The following PCDH15 variants were observed in gnomAD, a reference collection of about 807,000 sequenced individuals.
The protein encoded by PCDH15 is protocadherin-15.
A neutral mutation model predicts 178.5 loss-of-function variants in PCDH15; 129 were observed. That is an observed-to-expected ratio of 0.72 (90% CI 0.63 to 0.84). The LOEUF is 0.84. Among genes scored for constraint, PCDH15 ranks in the 40% least tolerant of loss-of-function variants. PCDH15 has a pLI of 0.00. For missense variants in PCDH15, 2,230 were observed against 2,099.9 expected, an observed-to-expected ratio of 1.06 and a Z score of -1.21; for synonymous variants, 800 against 732.0, an observed-to-expected ratio of 1.09 and a Z score of -1.50.
chr10:54,853,287 GTGTATATATA>G (rs1189625985), intron 3 of PCDH15, among the ~76,000 whole-genome samples: 30 of 56,570 alleles, frequency 5.3e-4, no homozygotes, highest in Middle Eastern at 0.01. Flanking sequence ...GTATGTATGT[GTGTATATATA>G]TATATATATA....
At chr10:54,939,168 T>C (rs1837988717) in intron 2 of PCDH15, among the ~76,000 whole-genome samples, 1 of 151,818 alleles carries the variant, frequency 6.6e-6, no homozygotes, top group Admixed American at 6.6e-5. Context: ...GTTTCAGTAG[T>C]TTGTGTCTTT....
At chr10:55,154,640 G>A (rs1430599863) in intron 2 of PCDH15, among the ~76,000 whole-genome samples, 1 of 152,020 alleles carries the variant, frequency 6.6e-6, no homozygotes, top group African/African-American at 2.4e-5. Context: ...CAGCATTCAG[G>A]GATTCCCTCA....
intron 26 of PCDH15, among the ~76,000 whole-genome samples, chr10:53,869,304 T>C (rs2079665575): frequency 6.6e-6 from 1 of 152,132 alleles, no homozygotes; most frequent in African/African-American, 2.4e-5. Flanking sequence ...TTTTTTGTAC[T>C]TAAACTTTGA....
chr10:54,740,304 G>A (rs10825391), intron 1 of PCDH15, among the ~76,000 whole-genome samples: 53,090 of 151,686 alleles, frequency 0.35, 9,636 homozygotes, highest in Middle Eastern at 0.46. Flanking sequence ...CATGGGGAAC[G>A]TAAATATAAA....
At chr10:55,498,858 TAGAAATC>T (rs1840593012) in intron 2 of PCDH15, among the ~76,000 whole-genome samples, 1 of 151,812 alleles carries the variant, frequency 6.6e-6, no homozygotes, top group African/African-American at 2.4e-5. Flanking sequence ...ATGTTACAGA[TAGAAATC>T]AGAGCAATTC....
At chr10:55,365,533 T>A (rs1845332776) in intron 2 of PCDH15, among the ~76,000 whole-genome samples, 1 of 152,102 alleles carries the variant, frequency 6.6e-6, no homozygotes, top group African/African-American at 2.4e-5. Context: ...CACCCAAATC[T>A]CATCTTGAAT....
intron 25 of PCDH15, among the ~76,000 whole-genome samples, chr10:53,933,173 T>A (rs185055534): frequency 7.8e-4 from 119 of 152,094 alleles, no homozygotes; most frequent in South Asian, 1.5e-3. Flanking sequence ...CTTTTTTTTT[T>A]AAATTTTATT....
In PCDH15 at chr10:55,405,283, G is replaced by GATATATATATAT. The variant is rs72121105; in HGVS notation, c.-156+222330_-156+222341dup. The stretch of plus-strand genomic sequence containing the variant: ...TGTGTATATGTAGTGTGAGGTAACA[G>GATATATATATAT]ATATATATATATATATATATACAAT... On this transcript the variant is annotated intron_variant, in intron 2 of 5. Coordinates refer to the PCDH15 transcript ENST00000613346. 4.8e-3 allele frequency among the ~76,000 whole-genome samples: 515 copies of GATATATATATAT among 108,054 alleles called. 18 individuals carry two copies. The highest frequency in any genetic ancestry group is 0.019 in the East Asian group (89 of 4,786). The allele number at this position is 108,054 out of a possible 152,430, so 70.9% of individuals were successfully genotyped here. A position where few individuals can be genotyped will look rare whatever the true frequency, so the allele number is the denominator to read the frequency against.
intron 1 of PCDH15, among the ~76,000 whole-genome samples, chr10:55,202,271 G>C (rs533468361): frequency 6.6e-6 from 1 of 151,972 alleles, no homozygotes; most frequent in African/African-American, 2.4e-5. Context: ...AAGCAGCCAC[G>C]GGGAAATACT....
chr10:55,471,993 C>T (rs1839965210), intron 2 of PCDH15, among the ~76,000 whole-genome samples: 2 of 152,164 alleles, frequency 1.3e-5, no homozygotes, highest in South Asian at 4.1e-4. Context: ...TGCCCAGTTT[C>T]CCCATCGTCT....
At chr10:55,439,620 C>T (rs1839133523) in intron 2 of PCDH15, among the ~76,000 whole-genome samples, 1 of 150,514 alleles carries the variant, frequency 6.6e-6, no homozygotes, top group Admixed American at 6.6e-5. Flanking sequence ...TGATGAAAAC[C>T]GCAATTACTT....
At chr10:53,821,160 AG>A in intron 32 of PCDH15, 1 of 974,550 alleles carries the variant, frequency 1.0e-6, no homozygotes, top group Non-Finnish European at 1.2e-6. Flanking sequence ...TGAGAAATAA[AG>A]AGAATAAGAC....
intron 15 of PCDH15, among the ~76,000 whole-genome samples, chr10:54,120,791 C>T (rs1436173323): frequency 6.6e-6 from 1 of 152,092 alleles, no homozygotes; most frequent in African/African-American, 2.4e-5. Flanking sequence ...TCTAGATTCA[C>T]AAAACCAGTA....
intron 2 of PCDH15, among the ~76,000 whole-genome samples, chr10:55,363,440 T>C (rs1028558030): frequency 6.6e-6 from 1 of 152,120 alleles, no homozygotes; most frequent in Non-Finnish European, 1.5e-5. Flanking sequence ...CCCCAGATTG[T>C]AGTTGTTAGA....
intron 3 of PCDH15, among the ~76,000 whole-genome samples, chr10:54,840,803 C>T (rs1953404887): frequency 6.6e-6 from 1 of 151,774 alleles, no homozygotes; most frequent in Non-Finnish European, 1.5e-5. Context: ...ACAAAATAGA[C>T]TTGTAGTCAA....
At chr10:54,288,088 C>T (rs1362230673) in intron 8 of PCDH15, among the ~76,000 whole-genome samples, 1 of 152,052 alleles carries the variant, frequency 6.6e-6, no homozygotes, top group Non-Finnish European at 1.5e-5. Context: ...CTTTGGGAGG[C>T]TGAGGCAGGT....
At chr10:54,246,461 TATATG>T (rs552751955) in intron 8 of PCDH15, among the ~76,000 whole-genome samples, 178 of 152,028 alleles carry the variant, frequency 1.2e-3, no homozygotes, top group African/African-American at 3.7e-3. Flanking sequence ...TATTATGTCT[TATATG>T]ATATGTATGA....
intron 2 of PCDH15, among the ~76,000 whole-genome samples, chr10:54,937,530 C>T (rs56380632): frequency 0.022 from 3,328 of 151,766 alleles, 138 homozygotes; most frequent in African/African-American, 0.074. Flanking sequence ...AAGACTTTCA[C>T]TTATTTTGTT....
At chr10:55,380,837 A>G (rs939106876) in intron 2 of PCDH15, among the ~76,000 whole-genome samples, 2 of 152,194 alleles carry the variant, frequency 1.3e-5, no homozygotes, top group African/African-American at 4.8e-5. Flanking sequence ...GTTATCTTGC[A>G]AAGTAAAACG....
Sources: allele counts gnomAD v4.1 joint callset (sites outside exome capture counted in the v4.1 genomes callset), GRCh38; gene constraint gnomAD v4.1.1; transcripts MANE v1.5; gene names NCBI Gene and HGNC (gene_info 2026-07-23, HGNC 2026-07-21).